ENOX1: variants seen among roughly 807,000 people sequenced by gnomAD.
The protein encoded by ENOX1 is ecto-NOX disulfide-thiol exchanger 1, also known as candidate growth-related and time keeping constitutive hydroquinone (NADH) oxidase.
ENOX1 carries 42 observed loss-of-function variants against 82.5 expected under a neutral mutation model. That is an observed-to-expected ratio of 0.51 (90% confidence interval 0.40 to 0.66). The LOEUF is 0.66. Ranked by LOEUF, ENOX1 falls within the 30% of genes least tolerant of loss-of-function variation. The probability of loss-of-function intolerance (pLI) is 0.00; values close to 1 mark genes in which losing one functional copy is unlikely to be tolerated. For missense variants in ENOX1, 608 were observed against 811.6 expected (o/e 0.75, Z 3.05); for synonymous variants, 271 against 282.2 (o/e 0.96, Z 0.40).
intron 14 of ENOX1, among the ~76,000 whole-genome samples, chr13:43,265,123 A>G (rs890771229): frequency 4.6e-5 from 7 of 152,318 alleles, no homozygotes; most frequent in African/African-American, 1.7e-4. Flanking sequence ...CATCAGTTAT[A>G]GTTTTGGAAA....
chr13:43,492,369 A>G (rs943602979), intron 2 of ENOX1, among the ~76,000 whole-genome samples: 1 of 152,214 alleles, frequency 6.6e-6, no homozygotes, highest in Non-Finnish European at 1.5e-5. Flanking sequence ...AGGCATGCTC[A>G]GATTCCTGAC....
chr13:43,531,624 C>A (rs931467313), intron 2 of ENOX1, among the ~76,000 whole-genome samples: 1 of 144,820 alleles, frequency 6.9e-6, no homozygotes, highest in African/African-American at 2.6e-5. Flanking sequence ...CACATGCACA[C>A]ATATGTTTAT....
chr13:43,495,297 C>T (rs2076754448), intron 2 of ENOX1, among the ~76,000 whole-genome samples: 1 of 152,110 alleles, frequency 6.6e-6, no homozygotes, highest in Non-Finnish European at 1.5e-5. Context: ...AGATACAAAA[C>T]ATTTCCATCA....
rs968418535 is a variant in ENOX1 at position 43,500,010 on chromosome 13, T to A, written c.-218-15858A>T. 7.2e-5 allele frequency among the ~76,000 whole-genome samples: 11 copies of A among 151,972 alleles called. 1 individual carries two copies. The highest frequency in any genetic ancestry group is 2.4e-4 in the African/African-American group (10 of 41,406). Reference sequence around the variant, plus strand: ...AAGAAAGAATAAACTCAAGGATATGTCATTTCGAATTATTAAAGAAGAAAG... The same window carrying A: ...AAGAAAGAATAAACTCAAGGATATGACATTTCGAATTATTAAAGAAGAAAG... On this transcript the variant is annotated intron_variant, in intron 2 of 16. Coordinates refer to ENST00000690772, the MANE Select transcript of ENOX1 (RefSeq NM_001347969.2).
At chr13:43,313,981 G>A (rs1053194682) in intron 11 of ENOX1, among the ~76,000 whole-genome samples, 4 of 152,148 alleles carry the variant, frequency 2.6e-5, no homozygotes, top group African/African-American at 7.2e-5. Flanking sequence ...GAACTTAAAG[G>A]GGGCTCATTA....
chr13:43,413,709 TTATATATATTTATATA>T (rs1566157297), intron 3 of ENOX1, among the ~76,000 whole-genome samples: 5 of 144,644 alleles, frequency 3.5e-5, no homozygotes, highest in Admixed American at 1.4e-4. Context: ...TTTTATATAT[TTATATATATTTATATA>T]TATATATTTA....
At chr13:43,400,008 T>C (rs1212757039) in intron 5 of ENOX1, among the ~76,000 whole-genome samples, 1 of 152,106 alleles carries the variant, frequency 6.6e-6, no homozygotes, top group Non-Finnish European at 1.5e-5. Flanking sequence ...AGTCCAGCTC[T>C]GAAATTACTC....
chr13:43,460,737 T>C (rs1211994909), intron 3 of ENOX1, among the ~76,000 whole-genome samples: 2 of 131,256 alleles, frequency 1.5e-5, no homozygotes, highest in African/African-American at 2.9e-5. Flanking sequence ...GAGCTTGCAG[T>C]GGGCAGAGAT....
intron 12 of ENOX1, among the ~76,000 whole-genome samples, chr13:43,270,811 A>G (rs562464679): frequency 1.1e-4 from 17 of 152,310 alleles, no homozygotes; most frequent in African/African-American, 3.8e-4. Flanking sequence ...AGTGTGTCCT[A>G]TTTCACCACC....
intron 3 of ENOX1, among the ~76,000 whole-genome samples, chr13:43,432,071 G>A (rs1446154211): frequency 1.3e-5 from 2 of 152,038 alleles, no homozygotes; most frequent in Admixed American, 6.6e-5. Flanking sequence ...CAATAAAGGC[G>A]CTCTCACTTC....
intron 9 of ENOX1, among the ~76,000 whole-genome samples, chr13:43,339,747 C>T (rs193146815): frequency 2.0e-3 from 301 of 152,282 alleles, no homozygotes; most frequent in African/African-American, 6.9e-3. Context: ...TATGGAATAA[C>T]CAGGAGATTT....
chr13:43,647,743 T>C (rs2083962333), intron 2 of ENOX1, among the ~76,000 whole-genome samples: 1 of 152,188 alleles, frequency 6.6e-6, no homozygotes, highest in African/African-American at 2.4e-5. Flanking sequence ...CATGAATATG[T>C]TACCTTATAT....
chr13:43,294,592 C>T (rs1370363470), intron 12 of ENOX1, among the ~76,000 whole-genome samples: 1 of 152,164 alleles, frequency 6.6e-6, no homozygotes, highest in African/African-American at 2.4e-5. Context: ...AAGTAAAACA[C>T]ACTTGCCATA....
chr13:43,731,502 T>A (rs1272433159), intron 1 of ENOX1, among the ~76,000 whole-genome samples: 1 of 149,866 alleles, frequency 6.7e-6, no homozygotes, highest in East Asian at 2.0e-4. Flanking sequence ...CAAGCTTTTT[T>A]AAGCTTGGTC....
intron 11 of ENOX1, among the ~76,000 whole-genome samples, chr13:43,317,849 C>CA (rs568761362): frequency 1.3e-3 from 190 of 151,440 alleles, no homozygotes; most frequent in African/African-American, 3.7e-3. Flanking sequence ...ACTAAAAATA[C>CA]AAAAAATTAG....
intron 3 of ENOX1, among the ~76,000 whole-genome samples, chr13:43,471,440 G>A (rs1441367077): frequency 3.3e-5 from 5 of 152,042 alleles, no homozygotes; most frequent in African/African-American, 7.2e-5. Context: ...ACAAAGAATC[G>A]TAAAATTTAA....
chr13:43,598,583 C>T (rs563534414), intron 2 of ENOX1, among the ~76,000 whole-genome samples: 1 of 152,006 alleles, frequency 6.6e-6, no homozygotes, highest in Non-Finnish European at 1.5e-5. Context: ...TTGCCAGTGC[C>T]CTCCAGTCTC....
intron 2 of ENOX1, among the ~76,000 whole-genome samples, chr13:43,620,061 G>A (rs2082656743): frequency 6.6e-6 from 1 of 152,006 alleles, no homozygotes; most frequent in Non-Finnish European, 1.5e-5. Context: ...CAGTAGCCTT[G>A]AATGATCTTT....
At chr13:43,316,175 A>G (rs965284631) in intron 11 of ENOX1, among the ~76,000 whole-genome samples, 2 of 152,216 alleles carry the variant, frequency 1.3e-5, no homozygotes, top group African/African-American at 4.8e-5. Context: ...AGCTGGGAAC[A>G]TGCTGGGCTG....
Sources: allele counts gnomAD v4.1 joint callset (sites outside exome capture counted in the v4.1 genomes callset), GRCh38; gene constraint gnomAD v4.1.1; transcripts MANE v1.5; gene names NCBI Gene and HGNC (gene_info 2026-07-23, HGNC 2026-07-21).